IL13RA1: variants seen among roughly 807,000 people sequenced by gnomAD.
IL13RA1 encodes interleukin 13 receptor subunit alpha 1.
A neutral mutation model predicts 33.8 loss-of-function variants in IL13RA1; 14 were observed. The ratio of observed to expected loss-of-function variants is 0.41; its 90% CI spans 0.27 to 0.65. The LOEUF (loss-of-function observed/expected upper bound fraction) is 0.65. Among genes scored for constraint, IL13RA1 ranks in the 30% least tolerant of loss-of-function variants. The probability of loss-of-function intolerance (pLI) is 0.28; values close to 1 mark genes in which losing one functional copy is unlikely to be tolerated. For missense variants in IL13RA1, 313 were observed against 327.0 expected (o/e 0.96, Z 0.33); for synonymous variants, 116 against 115.7 (o/e 1.00, Z -0.02).
the IL13RA1 span, among the ~76,000 whole-genome samples, chrX:118,803,962 CTTTTTTT>C: frequency 2.5e-3 from 154 of 62,151 alleles, 1 homozygote; most frequent in African/African-American, 8.2e-3. Flanking sequence ...TTCTTTCTTT[CTTTTTTT>C]TTTTTTGACA....
rs990975049 is a variant in IL13RA1 at position 118,752,309 on chromosome X, C to T, written c.488+2531C>T. Among the ~76,000 whole-genome samples the T allele has an allele frequency of 4.5e-5, 5 of 111,256 alleles. No individual in the cohort carries two copies. The South Asian group carries it at 1.5e-3, about 34-fold the overall frequency. ...CCCGCCCCTCTTGCAGCCTACCATT[C>T]GCCCGCAGCAAACTTCTTTCAGTTC... On this transcript the variant is annotated intron_variant, in intron 4 of 10. Transcript: ENST00000371666.
intron 1 of IL13RA1, among the ~76,000 whole-genome samples, chrX:118,737,083 C>T (rs1418086274): frequency 8.9e-6 from 1 of 112,623 alleles, no homozygotes; most frequent in East Asian, 2.8e-4. Context: ...TAGGTGCAAC[C>T]ACAATGGCTG....
rs1303148310 is a variant in IL13RA1 at position 118,794,499 on chromosome X, C to G, written c.*2645C>G. 8.9e-6 allele frequency: 1 copy of G among 112,411 alleles called. No individual in the cohort carries two copies. Among genetic ancestry groups the G allele is most frequent in the Non-Finnish European group, 1.9e-5 (1 of 53,274 alleles). The allele number at this position is 112,411 out of a possible 1,213,427, so 9.3% of individuals were successfully genotyped here. A position where few individuals can be genotyped will look rare whatever the true frequency, so the allele number is the denominator to read the frequency against. On this transcript the variant is annotated 3_prime_UTR_variant, in exon 11 of 11. Coordinates refer to ENST00000371666, the MANE Select transcript of IL13RA1 (RefSeq NM_001560.3). ...TTCTGTTTAACTTCTTATAGGAAAG[C>G]TTGAGTAAAATAAATATTGTCTTTT...
chrX:118,740,906 A>G, intron 1 of IL13RA1, 111 bp from the exon 2 acceptor site: 1 of 580,351 alleles, frequency 1.7e-6, no homozygotes. Flanking sequence ...TAAATGTTAG[A>G]TGTTGTTAAC....
Position 118,727,751 on chromosome X carries a change from G to A in IL13RA1, c.88+25G>A, listed in dbSNP as rs965579023. On this transcript the variant is annotated intron_variant, in intron 1 of 10. Transcript: ENST00000371666. Reference sequence around the variant, plus strand: ...GGTGAGTGCGACCCTCGGGGCCCGAGGGGCGGCCGGAGGGCTGAGGGCGGT... The same window carrying A: ...GGTGAGTGCGACCCTCGGGGCCCGAAGGGCGGCCGGAGGGCTGAGGGCGGT... The A allele has an allele frequency of 5.4e-6, 4 of 739,529 alleles. No homozygotes were observed. In the African/African-American group the frequency reaches 9.1e-5, roughly 17 times the overall value. 60.9% of individuals were successfully genotyped at this position (739,529 alleles called of 1,213,427 possible).
At chrX:118,782,355 A>G (rs1031954175) in intron 10 of IL13RA1, among the ~76,000 whole-genome samples, 16 of 111,206 alleles carry the variant, frequency 1.4e-4, no homozygotes, top group African/African-American at 4.9e-4. Context: ...GACTACAGGC[A>G]TGAGTCACCG....
the IL13RA1 span, among the ~76,000 whole-genome samples, chrX:118,801,895 A>G: frequency 8.9e-6 from 1 of 112,691 alleles, no homozygotes. Context: ...TATGGTATAA[A>G]TCCAGTTAGC....
downstream of IL13RA1, among the ~76,000 whole-genome samples, chrX:118,795,247 T>A (rs1333746982): frequency 1.2e-4 from 12 of 96,391 alleles, no homozygotes; most frequent in Admixed American, 3.3e-4. Flanking sequence ...GAAAAAAAAA[T>A]CAGTTTTCAA....
intron 1 of IL13RA1, among the ~76,000 whole-genome samples, chrX:118,740,593 G>A (rs768281026): frequency 8.9e-6 from 1 of 111,782 alleles, no homozygotes; most frequent in South Asian, 3.7e-4. Context: ...AGGAGTTCGA[G>A]ACCAGCCTGG....
chrX:118,743,979 C>T (rs953554350), intron 2 of IL13RA1, among the ~76,000 whole-genome samples: 3 of 111,471 alleles, frequency 2.7e-5, no homozygotes, highest in Non-Finnish European at 5.7e-5. Context: ...AACCCTGTCT[C>T]TACTAAAAAT....
intron 8 of IL13RA1, among the ~76,000 whole-genome samples, chrX:118,767,548 GA>G (rs759733778): frequency 2.9e-5 from 3 of 102,308 alleles, no homozygotes; most frequent in Admixed American, 2.1e-4. Context: ...CAAGGAAGAA[GA>G]AAAAAAAAAG....
intron 10 of IL13RA1, among the ~76,000 whole-genome samples, chrX:118,785,799 A>G (rs1052041282): frequency 2.7e-5 from 3 of 110,907 alleles, no homozygotes; most frequent in African/African-American, 9.8e-5. Context: ...CGAACCCCTG[A>G]CCTCAAGTGA....
intron 1 of IL13RA1, among the ~76,000 whole-genome samples, chrX:118,738,721 C>T (rs1369812219): frequency 9.2e-6 from 1 of 108,134 alleles, no homozygotes; most frequent in African/African-American, 3.4e-5. Flanking sequence ...GAGTTATTTT[C>T]CTTTGGGTAT....
chrX:118,784,788 C>T (rs2017897582), intron 10 of IL13RA1, among the ~76,000 whole-genome samples: 1 of 111,906 alleles, frequency 8.9e-6, no homozygotes, highest in Non-Finnish European at 1.9e-5. Flanking sequence ...ATCCATGGCT[C>T]ATAGGTCCTG....
chrX:118,728,807 C>A (rs934700054), intron 1 of IL13RA1, among the ~76,000 whole-genome samples: 3 of 110,804 alleles, frequency 2.7e-5, no homozygotes, highest in African/African-American at 9.9e-5. Context: ...TGCCCTCAGA[C>A]ATATCGGGGG....
At chrX:118,786,850 C>T (rs1009426931) in intron 10 of IL13RA1, among the ~76,000 whole-genome samples, 4 of 112,283 alleles carry the variant, frequency 3.6e-5, no homozygotes, top group Admixed American at 1.9e-4. Flanking sequence ...GTCTAGACCA[C>T]GGACTCCTTG....
At chrX:118,798,860 TGAG>T (rs2018047089), downstream of IL13RA1, among the ~76,000 whole-genome samples, 2 of 112,564 alleles carry the variant, frequency 1.8e-5, no homozygotes, top group South Asian at 3.6e-4. Context: ...TGGCGGCACT[TGAG>T]GAGCCCTTCG....
At chrX:118,796,815 C>T (rs1169509110), downstream of IL13RA1, among the ~76,000 whole-genome samples, 3 of 112,769 alleles carry the variant, frequency 2.7e-5, no homozygotes, top group South Asian at 7.2e-4. Flanking sequence ...GGATTACAGG[C>T]GTGAGCCACC....
chrX:118,746,684 A>G (rs2017408273), intron 2 of IL13RA1, among the ~76,000 whole-genome samples: 1 of 110,074 alleles, frequency 9.1e-6, no homozygotes, highest in African/African-American at 3.3e-5. Context: ...TGTTGTGTGC[A>G]TTGTAGGATG....
Sources: gnomAD v4.1 joint callset for allele counts (sites outside exome capture counted in the v4.1 genomes callset) on GRCh38, gnomAD v4.1.1 for gene constraint, MANE v1.5 for transcripts, NCBI Gene and HGNC (gene_info 2026-07-23, HGNC 2026-07-21) for gene names.